The following KBTBD11 variants were observed in gnomAD, a reference collection of about 807,000 sequenced individuals.
The protein encoded by KBTBD11 is kelch repeat and BTB domain containing 11, also known as kelch repeat and BTB domain-containing protein 11.
For synonymous variants in KBTBD11, 747 were observed against 499.0 expected, an observed-to-expected ratio of 1.50 and a Z score of -6.63; for missense variants, 1,390 against 1,001.8, an observed-to-expected ratio of 1.39 and a Z score of -5.23.
intron 1 of KBTBD11, among the ~76,000 whole-genome samples, chr8:1,979,319 G>A (rs771802058): frequency 6.6e-5 from 10 of 152,208 alleles, no homozygotes; most frequent in Non-Finnish European, 1.5e-4. Context: ...CCATGTAAAT[G>A]TTAATCATGT....
Position 2,001,754 on chromosome 8 carries a change from C to T in KBTBD11, c.562C>T (p.Leu188Phe). ...GAGCCTGACGGCGCTGCGGCTGCTC[C>T]TCGCCGACGCCTACAGCGGGCGCAT... ...GVSLTALRLL[L>F]ADAYSGRMAG... The change falls in exon 2 of 2, where the codon CTC becomes TTC. Residue 188 changes from leucine to phenylalanine, a missense_variant. Leu to Phe is a conservative substitution (Grantham distance 22). Transcript: ENST00000320248. The T allele has an allele frequency of 6.1e-6, 8 of 1,317,160 alleles. No homozygotes were observed. Among genetic ancestry groups the T allele is most frequent in the East Asian group, 3.2e-5 (1 of 31,058 alleles). The allele number at this position is 1,317,160 out of a possible 1,614,324, so 81.6% of individuals were successfully genotyped here.
intron 1 of KBTBD11, among the ~76,000 whole-genome samples, chr8:1,985,298 T>C (rs978129684): frequency 6.6e-6 from 1 of 152,254 alleles, no homozygotes; most frequent in Non-Finnish European, 1.5e-5. Context: ...AGAGCAAAGA[T>C]CAGGGTGTGC....
At chr8:1,975,861 A>G (rs1462476838) in intron 1 of KBTBD11, 2 of 152,234 alleles carry the variant, frequency 1.3e-5, no homozygotes, top group Admixed American at 1.3e-4. Flanking sequence ...CTCCAATACA[A>G]ACCCGCTTCA....
chr8:1,984,279 G>GTTTTTT (rs71211539), intron 1 of KBTBD11, among the ~76,000 whole-genome samples: 5 of 98,566 alleles, frequency 5.1e-5, no homozygotes, highest in South Asian at 3.6e-4. Flanking sequence ...CTCTAAAAAA[G>GTTTTTT]TTTTTTTTTT....
intron 1 of KBTBD11, among the ~76,000 whole-genome samples, chr8:1,995,100 A>G (rs888762682): frequency 3.3e-5 from 5 of 149,762 alleles, no homozygotes; most frequent in Non-Finnish European, 7.4e-5. Context: ...GAGTATATAC[A>G]TTGTGCTGTG....
At position 2,003,688 on chromosome 8, in the gene KBTBD11, C is replaced by T. The variant is rs73184755; in HGVS notation, c.*624C>T. ...CAATATGCATTGGAAGTATTTCCTTCCCCACACCATTGCTACTCAAACTCA... is the reference window on the plus strand; with the variant it reads ...CAATATGCATTGGAAGTATTTCCTTTCCCACACCATTGCTACTCAAACTCA... On this transcript the variant is annotated 3_prime_UTR_variant, in exon 2 of 2. Coordinates refer to ENST00000320248, the MANE Select transcript of KBTBD11 (RefSeq NM_014867.3). 0.093 allele frequency: 15,465 copies of T among 167,100 alleles called. 880 individuals carry two copies. Among genetic ancestry groups the T allele is most frequent in the Non-Finnish European group, 0.13 (8,942 of 68,074 alleles). The allele number at this position is 167,100 out of a possible 1,614,324, so 10.4% of individuals were successfully genotyped here.
intron 1 of KBTBD11, among the ~76,000 whole-genome samples, chr8:1,993,079 A>G (rs904087830): frequency 2.6e-5 from 4 of 152,118 alleles, no homozygotes; most frequent in African/African-American, 9.7e-5. Flanking sequence ...AGCTAGGGCT[A>G]CAAATGCTGC....
At chr8:1,982,016 G>C (rs1055641605) in intron 1 of KBTBD11, among the ~76,000 whole-genome samples, 2 of 152,134 alleles carry the variant, frequency 1.3e-5, no homozygotes, top group African/African-American at 4.8e-5. Flanking sequence ...CCTTTCTGTT[G>C]GTTCTGCTTC....
At position 2,002,922 on chromosome 8, in the gene KBTBD11, G is replaced by A. The variant is rs1304101235; in HGVS notation, c.1730G>A (p.Arg577Gln). Residue 577 changes from arginine (R) to glutamine (Q), a missense_variant, in exon 2 of 2, where the codon CGG becomes CAG. Arg to Gln is a conservative substitution (Grantham distance 43). Coordinates refer to ENST00000320248, the MANE Select transcript of KBTBD11 (RefSeq NM_014867.3). The surrounding 1 kb of genome is among the most constrained non-coding windows in gnomAD (Gnocchi z 4.1). ...RAGTWRFQPA[R>Q]EGEAGGDAGQ... ...GGCACCTGGCGCTTCCAGCCTGCCC[G>A]GGAAGGCGAGGCCGGCGGCGACGCA... 8.3e-6 allele frequency: 11 copies of A among 1,322,260 alleles called. No homozygotes were observed. The highest frequency in any genetic ancestry group is 7.7e-5 in the African/African-American group (5 of 64,768). 81.9% of individuals were successfully genotyped at this position (1,322,260 alleles called of 1,614,324 possible). A position where few individuals can be genotyped will look rare whatever the true frequency, so the allele number is the denominator to read the frequency against.
At chr8:1,992,279 T>G (rs547538553) in intron 1 of KBTBD11, among the ~76,000 whole-genome samples, 3 of 152,192 alleles carry the variant, frequency 2.0e-5, no homozygotes, top group African/African-American at 7.2e-5. Flanking sequence ...TTGAAGACTG[T>G]GTGGTAACTG....
In KBTBD11 at chr8:2,001,785, G is replaced by T; in HGVS notation, c.593G>T (p.Gly198Val). 1 of 1,264,302 alleles carries T rather than the reference G, an allele frequency of 7.9e-7. No individual in the cohort carries two copies. Among genetic ancestry groups the T allele is most frequent in the Non-Finnish European group, 9.9e-7 (1 of 1,008,488 alleles). The allele number at this position is 1,264,302 out of a possible 1,614,324, so 78.3% of individuals were successfully genotyped here. A position where few individuals can be genotyped will look rare whatever the true frequency, so the allele number is the denominator to read the frequency against. ...LADAYSGRMA[G>V]VRPDNVAEVV... ...GACGCCTACAGCGGGCGCATGGCGG[G>T]CGTGCGGCCCGACAACGTGGCCGAG... The change falls in exon 2 of 2, where the codon GGC (glycine) becomes GTC (valine). Residue 198 changes from glycine to valine, a missense_variant. Coordinates refer to ENST00000320248, the MANE Select transcript of KBTBD11 (RefSeq NM_014867.3).
At position 2,002,824 on chromosome 8, in the gene KBTBD11, C is replaced by T; in HGVS notation, c.1632C>T (p.Pro544=). The T allele has an allele frequency of 5.6e-6, 8 of 1,429,884 alleles. No homozygotes were observed. Among genetic ancestry groups the T allele is most frequent in the Middle Eastern group, 2.4e-4 (1 of 4,182 alleles). The allele number at this position is 1,429,884 out of a possible 1,614,324, so 88.6% of individuals were successfully genotyped here. The stretch of plus-strand genomic sequence containing the variant: ...CGTGCGTCGCGCCCCTGCGCCTCCC[C>T]GGCGGCCCCACGGGCCTGCAGCCCT... The part of the protein sequence containing the change: ...WSPCVAPLRL[P]GGPTGLQPFR... Residue 544 remains proline (P), a synonymous_variant, in exon 2 of 2, where the codon CCC becomes CCT. Transcript: ENST00000320248. This position sits in a 1 kb window ranked among gnomAD's most constrained non-coding sequence, Gnocchi z 4.1.
intron 1 of KBTBD11, among the ~76,000 whole-genome samples, chr8:1,978,396 C>T (rs1020676561): frequency 6.6e-6 from 1 of 152,246 alleles, no homozygotes; most frequent in Admixed American, 6.5e-5. Flanking sequence ...CACTGACTTG[C>T]TGCCTGAGGC....
chr8:2,003,621 C>T lies in KBTBD11; in HGVS notation c.*557C>T, dbSNP rs979100312. 9 of 167,030 alleles carry T rather than the reference C, an allele frequency of 5.4e-5. No homozygotes were observed. The highest frequency in any genetic ancestry group is 2.2e-4 in the African/African-American group (9 of 41,442). 10.3% of individuals were successfully genotyped at this position (167,030 alleles called of 1,614,324 possible). On this transcript the variant is annotated 3_prime_UTR_variant, in exon 2 of 2. Coordinates refer to ENST00000320248, the MANE Select transcript of KBTBD11 (RefSeq NM_014867.3). ...ACTCCAAAAAGAGTAATTTAATAAG[C>T]ATTAAAGGTAAAATCTTTGATTACC...
At position 1,983,357 on chromosome 8, in the gene KBTBD11, C is replaced by A. The variant is rs115242234; in HGVS notation, c.-909+9422C>A. Among the ~76,000 whole-genome samples, 1,115 of 152,342 alleles carry A rather than the reference C, an allele frequency of 7.3e-3. 11 individuals carry two copies. The highest frequency in any genetic ancestry group is 0.025 in the African/African-American group (1,040 of 41,580). On this transcript the variant is annotated intron_variant, in intron 1 of 1. Transcript: ENST00000320248. ...CAGCCACCATACATCTGTCCCCAGT[C>A]ACGATGCTCCTTTTCCTGAAGTCCT... is the stretch of plus-strand genomic sequence containing the variant.
At chr8:1,989,313 G>C (rs764891913) in intron 1 of KBTBD11, among the ~76,000 whole-genome samples, 8 of 152,328 alleles carry the variant, frequency 5.3e-5, no homozygotes, top group Non-Finnish European at 1.0e-4. Flanking sequence ...TGAGTACAAT[G>C]ATTTATTTTC....
At position 2,003,188 on chromosome 8, in the gene KBTBD11, C is replaced by T. The variant is rs1487467247; in HGVS notation, c.*124C>T. ...GGCCACGCTGGTGGTTTGGACACTT[C>T]GAAGGAGCCCCGAGGACGCTCTCAG... is the stretch of plus-strand genomic sequence containing the variant. On this transcript the variant is annotated 3_prime_UTR_variant, in exon 2 of 2. Coordinates refer to ENST00000320248, the MANE Select transcript of KBTBD11 (RefSeq NM_014867.3). 14 of 1,233,634 alleles carry T rather than the reference C, an allele frequency of 1.1e-5. No homozygotes were observed. Among genetic ancestry groups the T allele is most frequent in the Non-Finnish European group, 1.4e-5 (14 of 977,502 alleles). The allele number at this position is 1,233,634 out of a possible 1,614,324, so 76.4% of individuals were successfully genotyped here.
chr8:1,991,486 G>A (rs1207805093), intron 1 of KBTBD11, among the ~76,000 whole-genome samples: 2 of 152,258 alleles, frequency 1.3e-5, no homozygotes. Context: ...GTTTTCTGCT[G>A]TGTGCATTGT....
At chr8:1,988,384 C>A (rs1392809913) in intron 1 of KBTBD11, among the ~76,000 whole-genome samples, 1 of 152,214 alleles carries the variant, frequency 6.6e-6, no homozygotes, top group African/African-American at 2.4e-5. Flanking sequence ...CACATCCTCT[C>A]CAGCACCTGT....
Sources: gnomAD v4.1 joint callset for allele counts (sites outside exome capture counted in the v4.1 genomes callset) on GRCh38, gnomAD v4.1.1 for gene constraint, Gnocchi (gnomAD v3.1) non-coding constraint, MANE v1.5 for transcripts, NCBI Gene and HGNC (gene_info 2026-07-23, HGNC 2026-07-21) for gene names.